CERCAM: variants seen among roughly 807,000 people sequenced by gnomAD.
CERCAM encodes inactive glycosyltransferase 25 family member 3.
Under a neutral mutation model 66.0 loss-of-function variants are expected in CERCAM, and 59 were observed. The ratio of observed to expected loss-of-function variants is 0.89; its 90% CI spans 0.73 to 1.11. The LOEUF (loss-of-function observed/expected upper bound fraction) is 1.11, where lower values mean the gene tolerates loss of function less well. Ranked by LOEUF, CERCAM falls within the 50% of genes most tolerant of loss-of-function variation. The pLI is 0.00. For missense variants in CERCAM, 840 were observed against 828.3 expected (o/e 1.01, Z -0.17); for synonymous variants, 318 against 343.6 (o/e 0.93, Z 0.83).
chr9:128,434,547 C>T lies in CERCAM; in HGVS notation c.1469C>T (p.Ser490Leu), dbSNP rs1178873787. Residue 490 changes from serine (S) to leucine (L), a missense_variant, in exon 11 of 13, where the codon TCA becomes TTA. By Grantham distance (145) the Ser-to-Leu change is moderately radical (BLOSUM62 -2). Transcript: ENST00000372838. This position sits in a 1 kb window ranked among gnomAD's most constrained non-coding sequence, Gnocchi z 4.5. ...RLAGARKLLASQPLRRMLPVD... is the reference protein window; with the variant it reads ...RLAGARKLLALQPLRRMLPVD... ...GCGGGTGCCCGCAAGCTGCTGGCCT[C>T]ACAGCCTCTGCGCCGCATGCTGCCC... The T allele has an allele frequency of 5.6e-6, 9 of 1,612,044 alleles. No individual in the cohort carries two copies. Among genetic ancestry groups the T allele is most frequent in the Non-Finnish European group, 7.6e-6 (9 of 1,179,780 alleles).
At chr9:128,436,480 T>C (rs1834117056) in intron 12 of CERCAM, among the ~76,000 whole-genome samples, 1 of 152,198 alleles carries the variant, frequency 6.6e-6, no homozygotes, top group Admixed American at 6.5e-5. Context: ...ACTCCTGACC[T>C]GAGGTGATCT....
rs766677962 is a variant in CERCAM at position 128,424,267 on chromosome 9, C to T, written c.556C>T (p.Pro186Ser). Reference sequence around the variant, plus strand: ...CTCCAACTTCTGGTGTGGGATCACCCCCCAGGTGAGGCCGGGATGGGGGCC... The same window carrying T: ...CTCCAACTTCTGGTGTGGGATCACCTCCCAGGTGAGGCCGGGATGGGGGCC... ...YYSNFWCGIT[P>S]QGYYRRTAEY... The change falls in exon 4 of 13, where the codon CCC (proline) becomes TCC (serine). Residue 186 changes from proline to serine, a missense_variant. Pro to Ser is a moderately conservative substitution (Grantham distance 74). Transcript: ENST00000372838. 1.9e-6 allele frequency: 3 copies of T among 1,614,040 alleles called. No individual in the cohort carries two copies. Among genetic ancestry groups the T allele is most frequent in the Non-Finnish European group, 2.5e-6 (3 of 1,179,976 alleles).
intron 1 of CERCAM, 138 bp downstream of exon 1, chr9:128,421,212 G>C (rs1833701999): frequency 8.1e-7 from 1 of 1,236,236 alleles, no homozygotes; most frequent in Admixed American, 4.2e-5. Context: ...AGACGGCCCT[G>C]CCAGCCCGAG....
At chr9:128,423,305 G>A in intron 3 of CERCAM, 42 bp downstream of exon 3, 1 of 1,512,968 alleles carries the variant, frequency 6.6e-7, no homozygotes, top group Non-Finnish European at 9.2e-7. Flanking sequence ...AAAGGCGGTA[G>A]TATCCGTCCC....
chr9:128,436,055 G>GTTT (rs1834106735), intron 12 of CERCAM, 150 bp downstream of exon 12: 2 of 1,024,376 alleles, frequency 2.0e-6, no homozygotes, highest in Non-Finnish European at 2.8e-6. Flanking sequence ...TGTTGTTGTT[G>GTTT]TTGTTTGTTT....
intron 9 of CERCAM, chr9:128,431,941 C>T (rs1833985813): frequency 6.6e-6 from 1 of 152,494 alleles, no homozygotes; most frequent in South Asian, 2.1e-4. Context: ...GGCAGCCCTT[C>T]CAGGAGATGG....
chr9:128,422,738 G>A (rs1468607204), intron 1 of CERCAM, 130 bp from the exon 2 acceptor site: 3 of 1,055,420 alleles, frequency 2.8e-6, no homozygotes, highest in Non-Finnish European at 4.1e-6. Context: ...CCTCTCTGCT[G>A]TAGCACACCT....
At position 128,424,533 on chromosome 9, in the gene CERCAM, C is replaced by T. The variant is rs1833793051; in HGVS notation, c.685C>T (p.Leu229Phe). 6.2e-7 allele frequency: 1 copy of T among 1,614,126 alleles called. No homozygotes were observed. Among genetic ancestry groups the T allele is most frequent in the Non-Finnish European group, 8.5e-7 (1 of 1,180,024 alleles). ...CCTGCGGGCTGAAGGGGCAGACCAG[C>T]TTGCTTTCTACCCGCCACATCCCAA... ...ASLRAEGADQ[L>F]AFYPPHPNYT... Residue 229 changes from leucine to phenylalanine, a missense_variant, in exon 5 of 13, where the codon CTT (leucine) becomes TTT (phenylalanine). Coordinates refer to ENST00000372838, the MANE Select transcript of CERCAM (RefSeq NM_016174.5).
At chr9:128,427,076 T>G (rs1198126824) in intron 5 of CERCAM, among the ~76,000 whole-genome samples, 1 of 152,194 alleles carries the variant, frequency 6.6e-6, no homozygotes, top group African/African-American at 2.4e-5. Flanking sequence ...CCAGGCTCTG[T>G]GCTCAATGCT....
intron 11 of CERCAM, among the ~76,000 whole-genome samples, chr9:128,435,353 T>C (rs913299857): frequency 3.3e-5 from 5 of 152,064 alleles, no homozygotes; most frequent in Admixed American, 2.6e-4. Flanking sequence ...AGGCTAGTCT[T>C]GAACTCCCGA....
chr9:128,421,239 C>G lies in CERCAM; in HGVS notation c.197+165C>G. Reference sequence around the variant, plus strand: ...CAGCCCGAGCCGCCAGAGAGGACCCCGAGCCCCCTGCTGGGAGACGACAGA... The same window carrying G: ...CAGCCCGAGCCGCCAGAGAGGACCCGGAGCCCCCTGCTGGGAGACGACAGA... On this transcript the variant is annotated intron_variant, in intron 1 of 12. Transcript: ENST00000372838. 3.2e-6 allele frequency: 4 copies of G among 1,236,138 alleles called. No homozygotes were observed. In the South Asian group the frequency reaches 1.2e-4, roughly 36 times the overall value. The allele number at this position is 1,236,138 out of a possible 1,614,324, so 76.6% of individuals were successfully genotyped here. A position where few individuals can be genotyped will look rare whatever the true frequency, so the allele number is the denominator to read the frequency against.
rs1833910845 is a variant in CERCAM at position 128,428,921 on chromosome 9, C to T, written c.964-9C>T. On this transcript the variant is annotated splice_polypyrimidine_tract_variant and intron_variant, in intron 7 of 12. Transcript: ENST00000372838. The stretch of plus-strand genomic sequence containing the variant: ...TTGCACTTACCGCCCACCCCCCTGC[C>T]TCCTCCAGGTCTTTGTCATCAGCCT... The T allele has an allele frequency of 6.2e-7, 1 of 1,607,932 alleles. No individual in the cohort carries two copies. The highest frequency in any genetic ancestry group is 1.7e-5 in the Admixed American group (1 of 59,148).
rs1834129432 is a variant in CERCAM at position 128,437,124 on chromosome 9, A to C, written c.*276A>C. On this transcript the variant is annotated 3_prime_UTR_variant, in exon 13 of 13. Transcript: ENST00000372838. Reference sequence around the variant, plus strand: ...CTTGTGGCCCCCAGCTTCTGTTTCAAGCTGGGCAGACCCCAGGATCCCTTC... The same window carrying C: ...CTTGTGGCCCCCAGCTTCTGTTTCACGCTGGGCAGACCCCAGGATCCCTTC... 6.6e-6 allele frequency: 1 copy of C among 152,422 alleles called. No homozygotes were observed. Among genetic ancestry groups the C allele is most frequent in the South Asian group, 2.1e-4 (1 of 4,820 alleles). The allele number at this position is 152,422 out of a possible 1,614,324, so 9.4% of individuals were successfully genotyped here.
At position 128,428,392 on chromosome 9, in the gene CERCAM, A is replaced by C. The variant is rs761285367; in HGVS notation, c.857A>C (p.Asn286Thr). The C allele has an allele frequency of 1.2e-6, 2 of 1,614,024 alleles. No individual in the cohort carries two copies. Among genetic ancestry groups the C allele is most frequent in the Non-Finnish European group, 1.7e-6 (2 of 1,180,020 alleles). The stretch of plus-strand genomic sequence containing the variant: ...CAGGGGCTGGAAGACGAGAGGGTCA[A>C]CTTCATCCACCTGATCTTAGAAGCA... ...SHQGLEDERV[N>T]FIHLILEALV... is the part of the protein sequence containing the mutation. Residue 286 changes from asparagine to threonine, a missense_variant, in exon 6 of 13, where the codon AAC (asparagine) becomes ACC (threonine). Coordinates refer to ENST00000372838, the MANE Select transcript of CERCAM (RefSeq NM_016174.5).
intron 5 of CERCAM, among the ~76,000 whole-genome samples, 193 bp from the exon 6 acceptor site, chr9:128,428,108 AC>A (rs1438931961): frequency 2.6e-5 from 4 of 152,034 alleles, no homozygotes. Context: ...GAATGAATGA[AC>A]CATTTCAGTA....
chr9:128,424,609 C>G lies in CERCAM; in HGVS notation c.761C>G (p.Ala254Gly). The G allele has an allele frequency of 6.2e-7, 1 of 1,614,038 alleles. No individual in the cohort carries two copies. Among genetic ancestry groups the G allele is most frequent in the Non-Finnish European group, 8.5e-7 (1 of 1,180,008 alleles). ...DIIVFAYACQ[A>G]AGVSVHVCNE... ...ATCGTCTTCGCCTATGCCTGCCAGGCTGCTGGTGAGGACCAGCCCTCCTTT... is the reference window on the plus strand; with the variant it reads ...ATCGTCTTCGCCTATGCCTGCCAGGGTGCTGGTGAGGACCAGCCCTCCTTT... Residue 254 changes from alanine (A) to glycine (G), a missense_variant, in exon 5 of 13, where the codon GCT becomes GGT. By Grantham distance (60) the Ala-to-Gly change is moderately conservative. Coordinates refer to ENST00000372838, the MANE Select transcript of CERCAM (RefSeq NM_016174.5).
chr9:128,428,963 C>T lies in CERCAM; in HGVS notation c.997C>T (p.Arg333Cys), dbSNP rs1474180824. Residue 333 changes from arginine (R) to cysteine (C), a missense_variant, in exon 8 of 13, where the codon CGT becomes TGT. Transcript: ENST00000372838. The part of the protein sequence containing the change: ...FVISLARRPD[R>C]RERMLASLWE... ...CATCAGCCTGGCTCGCAGGCCTGAC[C>T]GTCGGGAACGCATGCTCGCCTCGCT... 23 of 1,610,998 alleles carry T rather than the reference C, an allele frequency of 1.4e-5. No individual in the cohort carries two copies. The highest frequency in any genetic ancestry group is 2.2e-5 in the East Asian group (1 of 44,828).
chr9:128,434,704 G>C lies in CERCAM; in HGVS notation c.1535+91G>C. The C allele has an allele frequency of 1.5e-6, 2 of 1,320,236 alleles. No individual in the cohort carries two copies. The highest frequency in any genetic ancestry group is 2.1e-6 in the Non-Finnish European group (2 of 961,636). The allele number at this position is 1,320,236 out of a possible 1,614,324, so 81.8% of individuals were successfully genotyped here. A position where few individuals can be genotyped will look rare whatever the true frequency, so the allele number is the denominator to read the frequency against. ...CAGCAGGAAGTCCCCTCACCTGGCA[G>C]ATGGGGAGACTGGGACTGGCAAGGC... On this transcript the variant is annotated intron_variant, in intron 11 of 12. Transcript: ENST00000372838. This position sits in a 1 kb window ranked among gnomAD's most constrained non-coding sequence, Gnocchi z 4.5.
Position 128,421,084 on chromosome 9 carries a change from C to A in CERCAM, c.197+10C>A. On this transcript the variant is annotated intron_variant, in intron 1 of 12. Coordinates refer to ENST00000372838, the MANE Select transcript of CERCAM (RefSeq NM_016174.5). Reference sequence around the variant, plus strand: ...CCAGGATGGCCCTCTGGTGAGAGACCCGGGCATTGGCACCGAGTGGGCACC... The same window carrying A: ...CCAGGATGGCCCTCTGGTGAGAGACACGGGCATTGGCACCGAGTGGGCACC... 7.8e-7 allele frequency: 1 copy of A among 1,287,766 alleles called. No individual in the cohort carries two copies. Among genetic ancestry groups the A allele is most frequent in the South Asian group, 2.4e-5 (1 of 42,246 alleles). The allele number at this position is 1,287,766 out of a possible 1,614,324, so 79.8% of individuals were successfully genotyped here. A position where few individuals can be genotyped will look rare whatever the true frequency, so the allele number is the denominator to read the frequency against.
Sources: gnomAD v4.1 joint callset for allele counts (sites outside exome capture counted in the v4.1 genomes callset) on GRCh38, gnomAD v4.1.1 for gene constraint, Gnocchi (gnomAD v3.1) non-coding constraint, MANE v1.5 for transcripts, NCBI Gene and HGNC (gene_info 2026-07-23, HGNC 2026-07-21) for gene names.